MALRD1: variants seen among roughly 807,000 people sequenced by gnomAD.
MALRD1 encodes the protein MAM and LDL receptor class A domain containing 1.
Under a neutral mutation model 242.1 loss-of-function variants are expected in MALRD1, and 247 were observed. The ratio of observed to expected loss-of-function variants is 1.02; its 90% CI spans 0.92 to 1.13. The LOEUF (loss-of-function observed/expected upper bound fraction) is 1.13. MALRD1 is among the 50% of genes most tolerant of loss of function. The pLI is 0.00. For synonymous variants in MALRD1, 995 were observed against 866.6 expected (o/e 1.15, Z -2.60); for missense variants, 2,989 against 2,533.1 (o/e 1.18, Z -3.86).
intron 21 of MALRD1, 82 bp downstream of exon 21, chr10:19,283,263 C>T: frequency 8.5e-7 from 1 of 1,170,108 alleles, no homozygotes; most frequent in Non-Finnish European, 1.1e-6. Context: ...ACCACCTTAT[C>T]CTAGGCCAAT....
intron 28 of MALRD1, among the ~76,000 whole-genome samples, chr10:19,409,194 C>T (rs888313135): frequency 6.6e-6 from 1 of 152,158 alleles, no homozygotes; most frequent in Admixed American, 6.5e-5. Flanking sequence ...GGATGAATCA[C>T]TAAAAAATCA....
chr10:19,265,530 C>T (rs1839936459), intron 19 of MALRD1, among the ~76,000 whole-genome samples: 1 of 151,844 alleles, frequency 6.6e-6, no homozygotes, highest in Non-Finnish European at 1.5e-5. Flanking sequence ...TGTGAATTTT[C>T]CAACTTTTCC....
intron 29 of MALRD1, among the ~76,000 whole-genome samples, chr10:19,471,306 C>T (rs975056629): frequency 6.6e-6 from 1 of 151,794 alleles, no homozygotes; most frequent in African/African-American, 2.4e-5. Context: ...GGTTTTAATG[C>T]CAGTATCCAC....
At chr10:19,098,435 A>G (rs1836124133) in intron 4 of MALRD1, among the ~76,000 whole-genome samples, 2 of 152,212 alleles carry the variant, frequency 1.3e-5, no homozygotes, top group Admixed American at 1.3e-4. Context: ...CTTTGCATTA[A>G]AAAATGTAAA....
intron 29 of MALRD1, among the ~76,000 whole-genome samples, chr10:19,451,341 G>C (rs1174387758): frequency 6.6e-6 from 1 of 151,916 alleles, no homozygotes; most frequent in African/African-American, 2.4e-5. Flanking sequence ...TCCAGCCTGT[G>C]AACAGTAACT....
At chr10:19,729,783 C>T (rs1835207925) in intron 38 of MALRD1, among the ~76,000 whole-genome samples, 1 of 109,288 alleles carries the variant, frequency 9.2e-6, no homozygotes, top group South Asian at 3.2e-4. Flanking sequence ...GTGGCCCAGG[C>T]TGGAGTGCAG....
At chr10:19,083,471 A>G (rs1835559376) in intron 2 of MALRD1, among the ~76,000 whole-genome samples, 1 of 151,996 alleles carries the variant, frequency 6.6e-6, no homozygotes, top group South Asian at 2.1e-4. Context: ...TATTTTCACT[A>G]ACTGTTACAC....
At chr10:19,106,397 A>G (rs994629349) in intron 5 of MALRD1, among the ~76,000 whole-genome samples, 2 of 151,702 alleles carry the variant, frequency 1.3e-5, no homozygotes, top group African/African-American at 4.8e-5. Context: ...TGTGTCCAGG[A>G]ATTTATCTAT....
At position 19,108,590 on chromosome 10, in the gene MALRD1, ATTT is replaced by A. The variant is rs758468635; in HGVS notation, c.694+4521_694+4523del. On this transcript the variant is annotated intron_variant, in intron 5 of 39. Coordinates refer to ENST00000454679, the MANE Select transcript of MALRD1 (RefSeq NM_001142308.3). Reference sequence around the variant, plus strand: ...CCACCGCGCCCGGCTAATTTTTTGTATTTTTTTTAGTAGAGACGGGGTTTCACC... The same window carrying A: ...CCACCGCGCCCGGCTAATTTTTTGTATTTTTAGTAGAGACGGGGTTTCACC... Among the ~76,000 whole-genome samples, 22 of 63,698 alleles carry A rather than the reference ATTT, an allele frequency of 3.5e-4. 3 individuals carry two copies. The East Asian group carries it at 4.4e-3, about 13-fold the overall frequency. The allele number at this position is 63,698 out of a possible 152,430, so 41.8% of individuals were successfully genotyped here. A position where few individuals can be genotyped will look rare whatever the true frequency, so the allele number is the denominator to read the frequency against.
intron 32 of MALRD1, among the ~76,000 whole-genome samples, chr10:19,535,034 T>C (rs1200241498): frequency 6.6e-6 from 1 of 151,984 alleles, no homozygotes; most frequent in Admixed American, 6.6e-5. Context: ...TACAGGCAGG[T>C]GCCACCACAC....
chr10:19,711,978 G>A (rs1834142421), intron 38 of MALRD1, among the ~76,000 whole-genome samples: 1 of 152,172 alleles, frequency 6.6e-6, no homozygotes, highest in African/African-American at 2.4e-5. Flanking sequence ...TTGGAAAATT[G>A]TAATGGGTGA....
intron 38 of MALRD1, among the ~76,000 whole-genome samples, chr10:19,703,116 T>C (rs1833697444): frequency 2.0e-5 from 3 of 152,156 alleles, no homozygotes; most frequent in African/African-American, 7.2e-5. Flanking sequence ...CAACTCAAGA[T>C]GATTTGATCA....
chr10:19,081,560 A>G (rs997378739), intron 2 of MALRD1, among the ~76,000 whole-genome samples: 11 of 152,130 alleles, frequency 7.2e-5, no homozygotes, highest in South Asian at 4.1e-4. Flanking sequence ...TGGGAACTGA[A>G]TGATGAGAAC....
intron 4 of MALRD1, among the ~76,000 whole-genome samples, chr10:19,101,380 CTT>C (rs1836245818): frequency 7.1e-6 from 1 of 140,950 alleles, no homozygotes; most frequent in African/African-American, 2.6e-5. Context: ...ATATAACCAA[CTT>C]GGGTATGTAT....
intron 5 of MALRD1, among the ~76,000 whole-genome samples, chr10:19,110,252 C>T (rs1024448576): frequency 3.3e-4 from 51 of 152,262 alleles, no homozygotes; most frequent in African/African-American, 1.2e-3. Flanking sequence ...TTTTAACATC[C>T]CTTCTGTTAG....
At chr10:19,106,573 A>T (rs561838706) in intron 5 of MALRD1, among the ~76,000 whole-genome samples, 67 of 151,484 alleles carry the variant, frequency 4.4e-4, no homozygotes, top group African/African-American at 1.5e-3. Context: ...TATCTTTTTT[A>T]AAAAAACAAC....
At chr10:19,227,011 A>AGG (rs1195382108) in intron 18 of MALRD1, among the ~76,000 whole-genome samples, 1 of 152,098 alleles carries the variant, frequency 6.6e-6, no homozygotes, top group Admixed American at 6.6e-5. Flanking sequence ...GAAATTGAAT[A>AGG]GGTAGAAATA....
intron 38 of MALRD1, among the ~76,000 whole-genome samples, chr10:19,709,571 G>T (rs1834015821): frequency 6.6e-6 from 1 of 152,020 alleles, no homozygotes; most frequent in African/African-American, 2.4e-5. Context: ...CCTTTCCCAG[G>T]TCTGAAATTC....
intron 4 of MALRD1, among the ~76,000 whole-genome samples, chr10:19,100,885 A>G (rs1836226648): frequency 6.6e-6 from 1 of 152,272 alleles, no homozygotes; most frequent in East Asian, 1.9e-4. Context: ...TGGTGACTGC[A>G]GGCGTATCCT....
Sources: allele counts gnomAD v4.1 joint callset (sites outside exome capture counted in the v4.1 genomes callset), GRCh38; gene constraint gnomAD v4.1.1; transcripts MANE v1.5; gene names NCBI Gene and HGNC (gene_info 2026-07-23, HGNC 2026-07-21).